The following NEK2 variants were observed in gnomAD, a reference collection of about 807,000 sequenced individuals.
NEK2 encodes the protein NIMA related kinase 2, also known as serine/threonine-protein kinase Nek2.
Under a neutral mutation model 54.1 loss-of-function variants are expected in NEK2, and 28 were observed. The ratio of observed to expected loss-of-function variants is 0.52; its 90% confidence interval spans 0.38 to 0.71. The LOEUF is 0.71. NEK2 is among the 30% of genes least tolerant of loss of function. The pLI is 0.00. For missense variants in NEK2, 407 were observed against 531.5 expected, an observed-to-expected ratio of 0.77 and a Z score of 2.30; for synonymous variants, 176 against 193.1, an observed-to-expected ratio of 0.91 and a Z score of 0.73.
In NEK2 at chr1:211,674,479, A is replaced by G; in HGVS notation, c.131T>C (p.Met44Thr). Reference protein sequence around the residue: ...LVWKELDYGSMTEAEKQMLVS... With the variant: ...LVWKELDYGSTTEAEKQMLVS... Reference sequence around the variant, plus strand: ...AAGCATCTGTTTCTCAGCTTCTGTCATGGAGCCATAGTCAAGTTCTTTCCA... The same window carrying G: ...AAGCATCTGTTTCTCAGCTTCTGTCGTGGAGCCATAGTCAAGTTCTTTCCA... The change falls in exon 2 of 8, where the codon ATG becomes ACG. Residue 44 changes from methionine (M) to threonine (T), a missense_variant. By Grantham distance (81) the Met-to-Thr change is moderately conservative. Transcript: ENST00000366999. 1.2e-6 allele frequency: 2 copies of G among 1,613,700 alleles called. No individual in the cohort carries two copies. Among genetic ancestry groups the G allele is most frequent in the Non-Finnish European group, 1.7e-6 (2 of 1,179,752 alleles).
chr1:211,659,906 C>T (rs1654973182), downstream of NEK2, among the ~76,000 whole-genome samples: 3 of 150,080 alleles, frequency 2.0e-5, no homozygotes, highest in South Asian at 4.2e-4. Context: ...ACTGCAGCCT[C>T]CACCTCCCGG....
downstream of NEK2, chr1:211,660,707 A>G: frequency 1.5e-6 from 1 of 673,986 alleles, no homozygotes; most frequent in Non-Finnish European, 2.8e-6. Flanking sequence ...GAAGATCCAC[A>G]TTGCCCTGGG....
chr1:211,673,140 G>A (rs1380983906), intron 3 of NEK2, among the ~76,000 whole-genome samples: 1 of 151,968 alleles, frequency 6.6e-6, no homozygotes, highest in African/African-American at 2.4e-5. Flanking sequence ...TGGGCATGGT[G>A]GCTCACGCCT....
intron 4 of NEK2, 148 bp from the exon 5 acceptor site, chr1:211,670,555 T>A: frequency 1.1e-6 from 1 of 909,086 alleles, no homozygotes. Context: ...TATAAGTAAG[T>A]TTCCCAACCT....
In NEK2 at chr1:211,667,235, T is replaced by C; in HGVS notation, c.986-4A>G. The C allele has an allele frequency of 1.9e-6, 3 of 1,574,810 alleles. No individual in the cohort carries two copies. The highest frequency in any genetic ancestry group is 2.6e-6 in the Non-Finnish European group (3 of 1,163,074). ...ACACAAAGCTCCTGTTCTTTCTCTT[T>C]AAAAAGAGAATGGACAAAGAAAAAA... On this transcript the variant is annotated splice_polypyrimidine_tract_variant and splice_region_variant and intron_variant, in intron 6 of 7. Transcript: ENST00000366999.
downstream of NEK2, among the ~76,000 whole-genome samples, chr1:211,659,853 T>C (rs1007662902): frequency 1.7e-5 from 2 of 117,696 alleles, no homozygotes; most frequent in African/African-American, 6.6e-5. Flanking sequence ...ACAGGGTCTC[T>C]CTCTGTCTCC....
chr1:211,659,730 G>A (rs914760814), downstream of NEK2, among the ~76,000 whole-genome samples: 5 of 152,138 alleles, frequency 3.3e-5, no homozygotes, highest in African/African-American at 1.2e-4. Context: ...AATGTCATCA[G>A]CTGGAAGGAA....
At chr1:211,666,470 G>C in intron 7 of NEK2, 1 of 974,544 alleles carries the variant, frequency 1.0e-6, no homozygotes, top group Non-Finnish European at 1.2e-6. Context: ...TCTGAAATCT[G>C]AAACATACAA....
rs969949678 is a variant in NEK2, at chr1:211,663,087, C to G, written c.*339G>C. The G allele has an allele frequency of 2.2e-5, 23 of 1,054,348 alleles. No homozygotes were observed. Among genetic ancestry groups the G allele is most frequent in the Non-Finnish European group, 2.6e-5 (23 of 871,486 alleles). The allele number at this position is 1,054,348 out of a possible 1,614,324, so 65.3% of individuals were successfully genotyped here. Reference sequence around the variant, plus strand: ...TTAAAACTATTCAGTGAGTGCTACTCTTCCTGCATAAATATTTTTTTCCTA... The same window carrying G: ...TTAAAACTATTCAGTGAGTGCTACTGTTCCTGCATAAATATTTTTTTCCTA... On this transcript the variant is annotated 3_prime_UTR_variant, in exon 8 of 8. Coordinates refer to ENST00000366999, the MANE Select transcript of NEK2 (RefSeq NM_002497.4).
At chr1:211,667,665 G>A (rs950109840) in intron 6 of NEK2, among the ~76,000 whole-genome samples, 1 of 152,206 alleles carries the variant, frequency 6.6e-6, no homozygotes, top group Admixed American at 6.5e-5. Flanking sequence ...ATTCAGTTAG[G>A]TGGTAGTTCA....
At position 211,666,529 on chromosome 1, in the gene NEK2, G is replaced by A. The variant is rs141136592; in HGVS notation, c.1111+577C>T. On this transcript the variant is annotated intron_variant, in intron 7 of 7. Transcript: ENST00000366999. ...TTAAAAATAAGTATCGGCTGGGCAC[G>A]GTGTCTCATGCCTGTAATCCCAGCA... 1.3e-3 allele frequency: 1,219 copies of A among 964,582 alleles called. 14 individuals are homozygous for A. In the African/African-American group the frequency reaches 0.019, roughly 15 times the overall value. 59.8% of individuals were successfully genotyped at this position (964,582 alleles called of 1,614,324 possible).
At position 211,675,297 on chromosome 1, in the gene NEK2, T is replaced by C. The variant is rs545412448; in HGVS notation, c.96+87A>G. 34 of 1,200,690 alleles carry C rather than the reference T, an allele frequency of 2.8e-5. No individual in the cohort carries two copies. The South Asian group carries it at 4.3e-4, about 15-fold the overall frequency. 74.4% of individuals were successfully genotyped at this position (1,200,690 alleles called of 1,614,324 possible). On this transcript the variant is annotated intron_variant, in intron 1 of 7. Coordinates refer to ENST00000366999, the MANE Select transcript of NEK2 (RefSeq NM_002497.4). ...TTCCGGGCACCCATTTCCTCAGCCC[T>C]GTCGGTTCCCTTCGGTGGCGCAGGG... is the stretch of plus-strand genomic sequence containing the variant.
intron 7 of NEK2, among the ~76,000 whole-genome samples, chr1:211,664,134 C>T (rs191083494): frequency 2.0e-5 from 3 of 150,392 alleles, no homozygotes; most frequent in East Asian, 2.0e-4. Flanking sequence ...TAGTTCAAAG[C>T]ATCTTAATGG....
At chr1:211,668,323 A>G (rs1369136684) in intron 6 of NEK2, among the ~76,000 whole-genome samples, 3 of 152,238 alleles carry the variant, frequency 2.0e-5, no homozygotes, top group Non-Finnish European at 4.4e-5. Flanking sequence ...GCTACCTTGC[A>G]TAACCCTAAA....
downstream of NEK2, chr1:211,660,708 T>C: frequency 1.5e-6 from 1 of 673,650 alleles, no homozygotes; most frequent in East Asian, 3.3e-5. Flanking sequence ...AAGATCCACA[T>C]TGCCCTGGGG....
At chr1:211,670,625 T>C (rs952209126) in intron 4 of NEK2, among the ~76,000 whole-genome samples, 5 of 152,140 alleles carry the variant, frequency 3.3e-5, no homozygotes, top group Admixed American at 3.3e-4. Flanking sequence ...TCCTGTGCAT[T>C]ATAGGTATTT....
At chr1:211,670,229 G>T (rs1655328143) in intron 5 of NEK2, 52 bp downstream of exon 5, 4 of 1,548,542 alleles carry the variant, frequency 2.6e-6, no homozygotes, top group South Asian at 2.4e-5. Context: ...TGTATGCTCT[G>T]ACACTTAACT....
chr1:211,674,198 CA>C (rs1218990212), intron 2 of NEK2, 97 bp downstream of exon 2: 2 of 997,382 alleles, frequency 2.0e-6, no homozygotes, highest in African/African-American at 3.3e-5. Context: ...CAAACAAATA[CA>C]AATACACTCT....
At position 211,663,244 on chromosome 1, in the gene NEK2, A is replaced by G; in HGVS notation, c.*182T>C. Reference sequence around the variant, plus strand: ...TTCTTAAAAGAAGAAAGAAAAATTAAATGTGAACATTTTGTACAATAGTTG... The same window carrying G: ...TTCTTAAAAGAAGAAAGAAAAATTAGATGTGAACATTTTGTACAATAGTTG... On this transcript the variant is annotated 3_prime_UTR_variant, in exon 8 of 8. Coordinates refer to ENST00000366999, the MANE Select transcript of NEK2 (RefSeq NM_002497.4). The G allele has an allele frequency of 1.5e-6, 2 of 1,358,358 alleles. No individual in the cohort carries two copies. The highest frequency in any genetic ancestry group is 1.9e-6 in the Non-Finnish European group (2 of 1,054,648). The allele number at this position is 1,358,358 out of a possible 1,614,324, so 84.1% of individuals were successfully genotyped here.
Sources: allele counts gnomAD v4.1 joint callset (sites outside exome capture counted in the v4.1 genomes callset), GRCh38; gene constraint gnomAD v4.1.1; transcripts MANE v1.5; gene names NCBI Gene and HGNC (gene_info 2026-07-23, HGNC 2026-07-21).